Variants in DSCAML1 observed in about 807,000 individuals in gnomAD.
DSCAML1 encodes the protein cell adhesion molecule DSCAML1.
DSCAML1 carries 38 observed loss-of-function variants against 200.5 expected under a neutral mutation model. The ratio of observed to expected loss-of-function variants is 0.19; its 90% CI spans 0.15 to 0.25. DSCAML1 has a LOEUF of 0.25. DSCAML1 is among the 10% of genes least tolerant of loss of function. The pLI is 1.00. For missense variants in DSCAML1, 2,223 were observed against 2,858.8 expected (o/e 0.78, Z 5.07); for synonymous variants, 1,215 against 1,165.0 (o/e 1.04, Z -0.87).
At chr11:117,799,229 T>C (rs948421486), upstream of DSCAML1, among the ~76,000 whole-genome samples, 4 of 152,326 alleles carry the variant, frequency 2.6e-5, no homozygotes, top group Admixed American at 2.6e-4. Context: ...AATCCAGTTA[T>C]TTAAAACTAA....
At chr11:117,603,917 T>C (rs949517741) in intron 3 of DSCAML1, among the ~76,000 whole-genome samples, 2 of 152,372 alleles carry the variant, frequency 1.3e-5, no homozygotes, top group African/African-American at 2.4e-5. Context: ...CCAGATATCT[T>C]ATTTGTAATC....
intron 3 of DSCAML1, among the ~76,000 whole-genome samples, chr11:117,624,226 G>A (rs192650089): frequency 6.0e-4 from 91 of 152,268 alleles, no homozygotes; most frequent in African/African-American, 2.1e-3. Flanking sequence ...CATCACAGGC[G>A]TTCACAGAGA....
At chr11:117,434,589 C>T (rs1214679219) in intron 27 of DSCAML1, among the ~76,000 whole-genome samples, 2 of 152,036 alleles carry the variant, frequency 1.3e-5, no homozygotes, top group Admixed American at 1.3e-4. Flanking sequence ...GGCCATTCAA[C>T]AATCCATCAA....
intron 3 of DSCAML1, among the ~76,000 whole-genome samples, chr11:117,592,364 A>G (rs2051274830): frequency 6.6e-6 from 1 of 152,014 alleles, no homozygotes; most frequent in African/African-American, 2.4e-5. Context: ...GTCTTCACTC[A>G]GCGTCTTAAG....
At chr11:117,580,074 C>T (rs1350056935) in intron 3 of DSCAML1, among the ~76,000 whole-genome samples, 1 of 152,150 alleles carries the variant, frequency 6.6e-6, no homozygotes, top group Non-Finnish European at 1.5e-5. Context: ...TCTCAGAGCT[C>T]AAGGTTGTGC....
chr11:117,585,828 G>A (rs368584095), intron 3 of DSCAML1, among the ~76,000 whole-genome samples: 40 of 152,280 alleles, frequency 2.6e-4, no homozygotes, highest in African/African-American at 9.4e-4. Flanking sequence ...ATGTCGTGGA[G>A]AACTTCTTGG....
At chr11:117,715,211 C>T (rs958920004) in intron 3 of DSCAML1, among the ~76,000 whole-genome samples, 7 of 152,090 alleles carry the variant, frequency 4.6e-5, no homozygotes, top group Non-Finnish European at 2.9e-5. Flanking sequence ...TGCCTTCTCC[C>T]GGCCTCAGCA....
In DSCAML1 at chr11:117,486,470, A is replaced by G. The variant is rs202227886; in HGVS notation, c.2360-4308T>C. Reference sequence around the variant, plus strand: ...AGATATGAAAGTAGCGGATGTGAAAATGGTGGATGTGAAAATGGTGGATGT... The same window carrying G: ...AGATATGAAAGTAGCGGATGTGAAAGTGGTGGATGTGAAAATGGTGGATGT... On this transcript the variant is annotated intron_variant, in intron 11 of 32. Transcript: ENST00000651296. 4.7e-3 allele frequency among the ~76,000 whole-genome samples: 235 copies of G among 49,856 alleles called. 2 individuals carry two copies. Among genetic ancestry groups the G allele is most frequent in the South Asian group, 0.026 (42 of 1,598 alleles). 32.7% of individuals were successfully genotyped at this position (49,856 alleles called of 152,430 possible).
intron 3 of DSCAML1, among the ~76,000 whole-genome samples, chr11:117,644,871 C>T (rs1418811625): frequency 1.3e-5 from 2 of 152,228 alleles, no homozygotes; most frequent in Non-Finnish European, 2.9e-5. Flanking sequence ...CTGAACCCGC[C>T]GGGGCAGCGT....
chr11:117,815,076 T>C (rs1399012408), intron 1 of DSCAML1, among the ~76,000 whole-genome samples: 1 of 152,168 alleles, frequency 6.6e-6, no homozygotes, highest in Non-Finnish European at 1.5e-5. Context: ...TTGTCAAGTG[T>C]GTCTTTTTGT....
At chr11:117,506,647 G>A (rs1013071210) in intron 8 of DSCAML1, among the ~76,000 whole-genome samples, 5 of 148,520 alleles carry the variant, frequency 3.4e-5, no homozygotes, top group African/African-American at 1.0e-4. Context: ...GCCTGGGCTC[G>A]AGTGATCCTC....
chr11:117,628,597 A>G (rs938490237), intron 3 of DSCAML1, among the ~76,000 whole-genome samples: 3 of 152,146 alleles, frequency 2.0e-5, no homozygotes, highest in Non-Finnish European at 4.4e-5. Context: ...TCTGTGAAGC[A>G]TCTCCTCCTT....
At chr11:117,595,089 C>CACACACACACACA (rs375717572) in intron 3 of DSCAML1, among the ~76,000 whole-genome samples, 16 of 151,376 alleles carry the variant, frequency 1.1e-4, no homozygotes, top group South Asian at 6.3e-4. Context: ...CACACACACA[C>CACACACACACACA]CCTTTGATAT....
intron 12 of DSCAML1, 135 bp from the exon 13 acceptor site, chr11:117,481,405 C>G (rs2048913165): frequency 2.6e-6 from 2 of 783,230 alleles, no homozygotes; most frequent in Admixed American, 4.3e-5. Flanking sequence ...GGGGCTTTGT[C>G]AAGGGCTTCT....
chr11:117,681,814 G>A (rs181303156), intron 3 of DSCAML1, among the ~76,000 whole-genome samples: 1 of 152,150 alleles, frequency 6.6e-6, no homozygotes, highest in Non-Finnish European at 1.5e-5. Flanking sequence ...TAAGGCACTG[G>A]GCAGAATCAC....
intron 3 of DSCAML1, among the ~76,000 whole-genome samples, chr11:117,653,558 A>G (rs2052674233): frequency 6.6e-6 from 1 of 152,170 alleles, no homozygotes; most frequent in Admixed American, 6.5e-5. Context: ...GAGAGGACCA[A>G]TGTGGGAGAG....
intron 3 of DSCAML1, among the ~76,000 whole-genome samples, chr11:117,552,713 C>G (rs2050490472): frequency 6.6e-6 from 1 of 152,196 alleles, no homozygotes; most frequent in Non-Finnish European, 1.5e-5. Flanking sequence ...GTCGAGACAA[C>G]AGGTTCAGCT....
intron 24 of DSCAML1, 120 bp from the exon 25 acceptor site, chr11:117,438,203 C>T: frequency 1.0e-6 from 1 of 996,932 alleles, no homozygotes; most frequent in Non-Finnish European, 1.4e-6. Flanking sequence ...GGCTTTTGGT[C>T]ATTGGAACGG....
intron 7 of DSCAML1, among the ~76,000 whole-genome samples, chr11:117,517,003 G>A (rs1402717864): frequency 6.6e-6 from 1 of 152,128 alleles, no homozygotes. Context: ...TACATGCCTT[G>A]GCCAAGAGCC....
Sources: allele counts gnomAD v4.1 joint callset (sites outside exome capture counted in the v4.1 genomes callset), GRCh38; gene constraint gnomAD v4.1.1; transcripts MANE v1.5; gene names NCBI Gene and HGNC (gene_info 2026-07-23, HGNC 2026-07-21).